The following TUBB4B variants were observed in gnomAD, a reference collection of about 807,000 sequenced individuals.
The protein encoded by TUBB4B is tubulin beta 4B class IVb, also known as tubulin beta-4B chain.
TUBB4B carries 7 observed loss-of-function variants against 34.3 expected under a neutral mutation model. The observed-to-expected ratio is 0.20, with a 90% CI of 0.12 to 0.38. TUBB4B has a LOEUF of 0.38. Among genes scored for constraint, TUBB4B ranks in the 10% least tolerant of loss-of-function variants. The pLI is 1.00. For missense variants in TUBB4B, 178 were observed against 610.9 expected, an observed-to-expected ratio of 0.29 and a Z score of 7.47; for synonymous variants, 390 against 250.2, an observed-to-expected ratio of 1.56 and a Z score of -5.27.
intron 1 of TUBB4B, 124 bp from the exon 2 acceptor site, chr9:137,241,597 G>C: frequency 2.6e-6 from 2 of 756,628 alleles, no homozygotes; most frequent in Non-Finnish European, 3.3e-6. Flanking sequence ...GCCAGGGCGC[G>C]CGGGGCGGGG....
rs906257923 is a variant in TUBB4B, at chr9:137,242,283, C to G, written c.278-213C>G. On this transcript the variant is annotated intron_variant, in intron 3 of 3. Transcript: ENST00000340384. ...CCTTGGGAATTGGCAGTGGCCCCCCCGGGGAGGGGTTTGTTAAGCTGTCAG... is the reference window on the plus strand; with the variant it reads ...CCTTGGGAATTGGCAGTGGCCCCCCGGGGGAGGGGTTTGTTAAGCTGTCAG... 13 of 687,794 alleles carry G rather than the reference C, an allele frequency of 1.9e-5. No individual in the cohort carries two copies. The African/African-American group carries it at 2.3e-4, about 12-fold the overall frequency. 42.6% of individuals were successfully genotyped at this position (687,794 alleles called of 1,614,324 possible). A position where few individuals can be genotyped will look rare whatever the true frequency, so the allele number is the denominator to read the frequency against.
rs1564427575 is a variant in TUBB4B, at chr9:137,243,674, G to GTAC, written c.*119_*121dup. The GTAC allele has an allele frequency of 3.1e-6, 5 of 1,614,120 alleles. No individual in the cohort carries two copies. The highest frequency in any genetic ancestry group is 1.3e-5 in the African/African-American group (1 of 75,046). ...TGTTTTCCCTGTCCACATCCATGCTGTACAGACACCACCATTAAAGCATTT... is the reference window on the plus strand; with the variant it reads ...TGTTTTCCCTGTCCACATCCATGCTGTACTACAGACACCACCATTAAAGCATTT... On this transcript the variant is annotated 3_prime_UTR_variant, in exon 4 of 4. Transcript: ENST00000340384.
rs760985931 is a variant in TUBB4B at position 137,241,342 on chromosome 9, C to G, written c.-19C>G. 5 of 1,508,310 alleles carry G rather than the reference C, an allele frequency of 3.3e-6. No individual in the cohort carries two copies. Among genetic ancestry groups the G allele is most frequent in the Non-Finnish European group, 4.5e-6 (5 of 1,114,900 alleles). The allele number at this position is 1,508,310 out of a possible 1,614,324, so 93.4% of individuals were successfully genotyped here. A position where few individuals can be genotyped will look rare whatever the true frequency, so the allele number is the denominator to read the frequency against. Reference sequence around the variant, plus strand: ...GTTTGTCTACTTCCTCCTGCTTCCCCGCCGCCGCCGCCGCCATCATGAGGG... The same window carrying G: ...GTTTGTCTACTTCCTCCTGCTTCCCGGCCGCCGCCGCCGCCATCATGAGGG... On this transcript the variant is annotated 5_prime_UTR_variant, in exon 1 of 4. Transcript: ENST00000340384.
At chr9:137,242,105 G>C in intron 3 of TUBB4B, 84 bp downstream of exon 3, 1 of 1,390,330 alleles carries the variant, frequency 7.2e-7, no homozygotes, top group Non-Finnish European at 9.8e-7. Context: ...GCGCAGCCGG[G>C]GCCCCTGGAC....
Position 137,243,613 on chromosome 9 carries a change from G to T in TUBB4B, c.*57G>T. The T allele has an allele frequency of 2.5e-6, 4 of 1,612,680 alleles. No individual in the cohort carries two copies. The highest frequency in any genetic ancestry group is 3.4e-6 in the Non-Finnish European group (4 of 1,178,822). ...AGTGTGAACTCTTTATTCACTCCCA[G>T]CCTGTCCTGTGGCCTGTCCCACTGT... is the stretch of plus-strand genomic sequence containing the variant. On this transcript the variant is annotated 3_prime_UTR_variant, in exon 4 of 4. Transcript: ENST00000340384.
intron 3 of TUBB4B, 140 bp from the exon 4 acceptor site, chr9:137,242,356 G>T: frequency 9.5e-7 from 1 of 1,054,916 alleles, no homozygotes; most frequent in Non-Finnish European, 1.4e-6. Flanking sequence ...CCGTCTTTTG[G>T]CTTTGAAGGG....
In TUBB4B at chr9:137,241,333, C is replaced by G. The variant is rs570123750; in HGVS notation, c.-28C>G. 2.5e-6 allele frequency: 4 copies of G among 1,592,734 alleles called. No individual in the cohort carries two copies. Among genetic ancestry groups the G allele is most frequent in the South Asian group, 1.1e-5 (1 of 90,228 alleles). On this transcript the variant is annotated 5_prime_UTR_variant, in exon 1 of 4. Coordinates refer to ENST00000340384, the MANE Select transcript of TUBB4B (RefSeq NM_006088.6). ...TCTGCTGCTGTTTGTCTACTTCCTCCTGCTTCCCCGCCGCCGCCGCCGCCA... is the reference window on the plus strand; with the variant it reads ...TCTGCTGCTGTTTGTCTACTTCCTCGTGCTTCCCCGCCGCCGCCGCCGCCA...
In TUBB4B at chr9:137,242,813, A is replaced by T. The variant is rs1321535330; in HGVS notation, c.595A>T (p.Thr199Ser). ...CCAGCTCGTAGAAAACACAGACGAGACCTACTGCATTGATAACGAAGCTCT... is the reference window on the plus strand; with the variant it reads ...CCAGCTCGTAGAAAACACAGACGAGTCCTACTGCATTGATAACGAAGCTCT... ...VHQLVENTDE[T>S]YCIDNEALYD... Residue 199 changes from threonine to serine, a missense_variant, in exon 4 of 4, where the codon ACC becomes TCC. Transcript: ENST00000340384. The T allele has an allele frequency of 6.2e-7, 1 of 1,613,800 alleles. No homozygotes were observed. The highest frequency in any genetic ancestry group is 8.5e-7 in the Non-Finnish European group (1 of 1,180,022).
chr9:137,242,021 G>C lies in TUBB4B; in HGVS notation c.277G>C (p.Gly93Arg). Residue 93 changes from glycine to arginine, a missense_variant and splice_region_variant, in exon 3 of 4, where the codon GGT (glycine) becomes CGT (arginine). Physicochemically the swap from Gly to Arg is moderately radical, Grantham distance 125. Transcript: ENST00000340384. The stretch of plus-strand genomic sequence containing the variant: ...CTTCCGGCCGGACAACTTCGTTTTC[G>C]GTGAGCCGTGGCTGGGGACTGGGCG... ...QIFRPDNFVF[G>R]QSGAGNNWAK... The C allele has an allele frequency of 6.2e-7, 1 of 1,610,326 alleles. No homozygotes were observed. The highest frequency in any genetic ancestry group is 8.5e-7 in the Non-Finnish European group (1 of 1,179,614).
chr9:137,242,228 G>A, intron 3 of TUBB4B: 1 of 663,680 alleles, frequency 1.5e-6, no homozygotes, highest in Non-Finnish European at 2.5e-6. Flanking sequence ...CCTGCAGGGA[G>A]CTGAGCTGGG....
Position 137,241,993 on chromosome 9 carries a change from G to A in TUBB4B, c.249G>A (p.Gln83=), listed in dbSNP as rs763338123. Reference sequence around the variant, plus strand: ...CCGTGCGCTCGGGGCCCTTCGGGCAGATCTTCCGGCCGGACAACTTCGTTT... The same window carrying A: ...CCGTGCGCTCGGGGCCCTTCGGGCAAATCTTCCGGCCGGACAACTTCGTTT... ...MDSVRSGPFG[Q]IFRPDNFVFG... is the part of the protein sequence containing the mutation. Residue 83 remains glutamine, a synonymous_variant, in exon 3 of 4, where the codon CAG becomes CAA. Transcript: ENST00000340384. 6.2e-7 allele frequency: 1 copy of A among 1,610,794 alleles called. No homozygotes were observed. Among genetic ancestry groups the A allele is most frequent in the South Asian group, 1.1e-5 (1 of 90,998 alleles).
Position 137,241,356 on chromosome 9 carries a change from C to CCGCCGCCGCCAT in TUBB4B, c.-4_-3insGCCGCCGCCATC. The CCGCCGCCGCCAT allele has an allele frequency of 6.2e-7, 1 of 1,601,614 alleles. No individual in the cohort carries two copies. The highest frequency in any genetic ancestry group is 1.1e-5 in the South Asian group (1 of 90,828). The stretch of plus-strand genomic sequence containing the variant: ...TCCTGCTTCCCCGCCGCCGCCGCCG[C>CCGCCGCCGCCAT]CATCATGAGGGAAATCGTGCACTTG... On this transcript the variant is annotated 5_prime_UTR_variant, in exon 1 of 4. Transcript: ENST00000340384.
rs1473658052 is a variant in TUBB4B, at chr9:137,242,085, C to T, written c.277+64C>T. ...CAAGGGGCTGCTCCAAGGGCACCGCCGTGGGAACTGCGCAGCCGGGGCCCC... is the reference window on the plus strand; with the variant it reads ...CAAGGGGCTGCTCCAAGGGCACCGCTGTGGGAACTGCGCAGCCGGGGCCCC... On this transcript the variant is annotated intron_variant, in intron 3 of 3. Transcript: ENST00000340384. The T allele has an allele frequency of 1.8e-5, 28 of 1,516,970 alleles. No homozygotes were observed. In the South Asian group the frequency reaches 3.1e-4, roughly 17 times the overall value. The allele number at this position is 1,516,970 out of a possible 1,614,324, so 94.0% of individuals were successfully genotyped here. A position where few individuals can be genotyped will look rare whatever the true frequency, so the allele number is the denominator to read the frequency against.
Position 137,242,531 on chromosome 9 carries a change from C to T in TUBB4B, c.313C>T (p.His105Tyr). 1 of 1,613,836 alleles carries T rather than the reference C, an allele frequency of 6.2e-7. No homozygotes were observed. Among genetic ancestry groups the T allele is most frequent in the Non-Finnish European group, 8.5e-7 (1 of 1,179,988 alleles). The change falls in exon 4 of 4, where the codon CAC (histidine) becomes TAC (tyrosine). Residue 105 changes from histidine (H) to tyrosine (Y), a missense_variant. Physicochemically the swap from His to Tyr is moderately conservative, Grantham distance 83. Transcript: ENST00000340384. ...TGCTGGGAACAACTGGGCCAAGGGG[C>T]ACTACACAGAAGGCGCGGAGCTGGT... ...SGAGNNWAKG[H>Y]YTEGAELVDS...
intron 3 of TUBB4B, 174 bp from the exon 4 acceptor site, chr9:137,242,322 C>G (rs963991314): frequency 2.4e-6 from 2 of 816,640 alleles, no homozygotes; most frequent in East Asian, 2.7e-5. Context: ...TGGCCCCTGA[C>G]TTAATTCGTA....
At chr9:137,242,375 C>T (rs1251215365) in intron 3 of TUBB4B, 121 bp from the exon 4 acceptor site, 18 of 1,243,970 alleles carry the variant, frequency 1.4e-5, no homozygotes, top group Middle Eastern at 2.1e-4. Flanking sequence ...GGTCCGTTTG[C>T]TCTACCTCCA....
chr9:137,242,395 CTG>C, intron 3 of TUBB4B, 99 bp from the exon 4 acceptor site: 1 of 1,395,682 alleles, frequency 7.2e-7, no homozygotes, highest in Admixed American at 2.2e-5. Flanking sequence ...AGGGTGAATT[CTG>C]TGGTCAGCTC....
intron 1 of TUBB4B, 79 bp downstream of exon 1, chr9:137,241,496 C>A: frequency 8.6e-7 from 1 of 1,164,706 alleles, no homozygotes; most frequent in South Asian, 3.6e-5. Flanking sequence ...GCGGCAGCAG[C>A]GGCCGGGCGG....
intron 1 of TUBB4B, 73 bp from the exon 2 acceptor site, chr9:137,241,624 CGGGCTGCCGCGCCCGTCCGGGGCG>C (rs1223855018): frequency 2.4e-5 from 17 of 720,680 alleles, no homozygotes; most frequent in Non-Finnish European, 2.4e-5. Context: ...CGGGGAGGGC[CGGGCTGCCGCGCCCGTCCGGGGCG>C]GGGCTGCCTC....
Sources: gnomAD v4.1 joint callset for allele counts on GRCh38, gnomAD v4.1.1 for gene constraint, MANE v1.5 for transcripts, NCBI Gene and HGNC (gene_info 2026-07-23, HGNC 2026-07-21) for gene names.